DAPK1: variants seen among roughly 807,000 people sequenced by gnomAD.
DAPK1 encodes death associated protein kinase 1.
In DAPK1, 56 loss-of-function variants were observed where a neutral mutation model predicts 144.9. That is an observed-to-expected ratio of 0.39 (90% CI 0.31 to 0.48). DAPK1 has a LOEUF of 0.48. Among genes scored for constraint, DAPK1 ranks in the 20% least tolerant of loss-of-function variants. The pLI is 0.95. For missense variants in DAPK1, 1,454 were observed against 1,875.4 expected (o/e 0.78, Z 4.15); for synonymous variants, 690 against 749.0 (o/e 0.92, Z 1.29).
intron 3 of DAPK1, among the ~76,000 whole-genome samples, chr9:87,633,877 G>A (rs1416063335): frequency 1.3e-5 from 2 of 152,220 alleles, no homozygotes; most frequent in Admixed American, 6.5e-5. Flanking sequence ...ATGGAGAAGA[G>A]TGTGCATGGT....
chr9:87,605,063 C>T lies in DAPK1; in HGVS notation c.172C>T (p.Arg58Cys), dbSNP rs753510016. Reference protein sequence around the residue: ...RTKSSRRGVSREDIEREVSIL... With the variant: ...RTKSSRRGVSCEDIEREVSIL... ...TAAGTCCAGCCGGCGGGGTGTGAGCCGCGAGGACATCGAGCGGGAGGTCAG... is the reference window on the plus strand; with the variant it reads ...TAAGTCCAGCCGGCGGGGTGTGAGCTGCGAGGACATCGAGCGGGAGGTCAG... The change falls in exon 3 of 26, where the codon CGC (arginine) becomes TGC (cysteine). Residue 58 changes from arginine (R) to cysteine (C), a missense_variant. Coordinates refer to ENST00000408954, the MANE Select transcript of DAPK1 (RefSeq NM_004938.4). The T allele has an allele frequency of 1.2e-5, 19 of 1,614,076 alleles. No homozygotes were observed. The highest frequency in any genetic ancestry group is 6.6e-5 in the South Asian group (6 of 91,086).
At chr9:87,653,242 ATTCTGTGTCCATCCCCCCAATCCTG>A (rs1830519186) in intron 17 of DAPK1, among the ~76,000 whole-genome samples, 3 of 151,590 alleles carry the variant, frequency 2.0e-5, no homozygotes, top group Admixed American at 2.0e-4. Flanking sequence ...CCGGGTCCTG[ATTCTGTGTCCATCCCCCCAATCCTG>A]GGTCCTGATT....
At chr9:87,556,413 C>T (rs1243469021) in intron 2 of DAPK1, among the ~76,000 whole-genome samples, 1 of 152,220 alleles carries the variant, frequency 6.6e-6, no homozygotes, top group Admixed American at 6.5e-5. Flanking sequence ...GTGCATGCTG[C>T]CCGTCACGGG....
rs115234323 is a variant in DAPK1, at chr9:87,600,935, C to T, written c.63-4019C>T. On this transcript the variant is annotated intron_variant, in intron 2 of 25. Coordinates refer to ENST00000408954, the MANE Select transcript of DAPK1 (RefSeq NM_004938.4). ...TTGCTCCCTGGTCTGTCTGAGCTCGCCCTTGAAGCTGGATCATGGTATTCC... is the reference window on the plus strand; with the variant it reads ...TTGCTCCCTGGTCTGTCTGAGCTCGTCCTTGAAGCTGGATCATGGTATTCC... 4.6e-3 allele frequency among the ~76,000 whole-genome samples: 703 copies of T among 152,280 alleles called. 7 individuals carry two copies. The highest frequency in any genetic ancestry group is 0.015 in the African/African-American group (638 of 41,554).
chr9:87,534,969 T>G (rs1444388768), intron 2 of DAPK1, among the ~76,000 whole-genome samples: 2 of 152,154 alleles, frequency 1.3e-5, no homozygotes, highest in African/African-American at 2.4e-5. Flanking sequence ...TGTAATTGAT[T>G]TGATGTGTGC....
intron 10 of DAPK1, 33 bp downstream of exon 10, chr9:87,642,091 TTC>T: frequency 6.3e-7 from 1 of 1,579,326 alleles, no homozygotes; most frequent in Non-Finnish European, 8.7e-7. Flanking sequence ...GATTAACAAA[TTC>T]TGTTTCCTGT....
intron 17 of DAPK1, among the ~76,000 whole-genome samples, chr9:87,656,397 ACT>A (rs1202520938): frequency 3.3e-5 from 5 of 151,738 alleles, no homozygotes; most frequent in Middle Eastern, 3.2e-3. Context: ...TCTTCATCAC[ACT>A]CTCTTCCTCA....
At chr9:87,528,954 TC>T (rs1242282468) in intron 2 of DAPK1, among the ~76,000 whole-genome samples, 1 of 151,604 alleles carries the variant, frequency 6.6e-6, no homozygotes, top group Admixed American at 6.6e-5. Context: ...TATATGACCT[TC>T]CAGGGACATT....
intron 2 of DAPK1, among the ~76,000 whole-genome samples, chr9:87,546,158 A>T (rs1826243192): frequency 6.6e-6 from 1 of 152,148 alleles, no homozygotes; most frequent in South Asian, 2.1e-4. Flanking sequence ...TGTAGGTTTT[A>T]TTCAGATATG....
At position 87,551,511 on chromosome 9, in the gene DAPK1, G is replaced by A. The variant is rs141774859; in HGVS notation, c.62+52372G>A. The stretch of plus-strand genomic sequence containing the variant: ...GAGGTTGGTGATGAAGTCCTTAAAG[G>A]CTGAGATCCGGTCACCTGGACCAGT... On this transcript the variant is annotated intron_variant, in intron 2 of 25. Coordinates refer to ENST00000408954, the MANE Select transcript of DAPK1 (RefSeq NM_004938.4). Among the ~76,000 whole-genome samples, 539 of 152,294 alleles carry A rather than the reference G, an allele frequency of 3.5e-3. 7 individuals are homozygous for A. Among genetic ancestry groups the A allele is most frequent in the African/African-American group, 0.012 (507 of 41,562 alleles).
intron 18 of DAPK1, among the ~76,000 whole-genome samples, chr9:87,666,014 C>T (rs2119259906): frequency 6.6e-6 from 1 of 152,262 alleles, no homozygotes; most frequent in African/African-American, 2.4e-5. Flanking sequence ...TTTGCAGCCT[C>T]CGTCGGGGTG....
intron 2 of DAPK1, among the ~76,000 whole-genome samples, chr9:87,551,254 T>C (rs908487232): frequency 6.6e-6 from 1 of 152,102 alleles, no homozygotes; most frequent in Non-Finnish European, 1.5e-5. Context: ...TTCAAGTGAT[T>C]CTCCTGCCTC....
At chr9:87,660,548 G>C (rs1016479307) in intron 18 of DAPK1, among the ~76,000 whole-genome samples, 1 of 151,934 alleles carries the variant, frequency 6.6e-6, no homozygotes, top group African/African-American at 2.4e-5. Context: ...ATTACACTGG[G>C]GTGAAGTCAG....
At chr9:87,539,063 CAAAG>C (rs974311595) in intron 2 of DAPK1, among the ~76,000 whole-genome samples, 1 of 150,520 alleles carries the variant, frequency 6.6e-6, no homozygotes, top group Non-Finnish European at 1.5e-5. Flanking sequence ...TGCTAACATA[CAAAG>C]AGTTTTCATA....
chr9:87,683,398 T>C (rs565858778), intron 20 of DAPK1, among the ~76,000 whole-genome samples: 2 of 152,166 alleles, frequency 1.3e-5, no homozygotes, highest in Non-Finnish European at 2.9e-5. Flanking sequence ...TGATTTCTGC[T>C]CTAGTTGAGG....
intron 11 of DAPK1, among the ~76,000 whole-genome samples, chr9:87,644,258 G>C (rs1023204668): frequency 6.6e-6 from 1 of 152,098 alleles, no homozygotes; most frequent in African/African-American, 2.4e-5. Flanking sequence ...AAGCTCTTCA[G>C]ATACGAGTGG....
At chr9:87,655,990 T>A (rs1830615555) in intron 17 of DAPK1, among the ~76,000 whole-genome samples, 1 of 152,256 alleles carries the variant, frequency 6.6e-6, no homozygotes, top group Non-Finnish European at 1.5e-5. Flanking sequence ...AGGCTACTTT[T>A]AGACACACTC....
chr9:87,569,863 A>G (rs1827268491), intron 2 of DAPK1, among the ~76,000 whole-genome samples: 1 of 152,222 alleles, frequency 6.6e-6, no homozygotes, highest in Non-Finnish European at 1.5e-5. Context: ...ACTTCAGAAA[A>G]CAACTTTCAC....
chr9:87,657,493 G>A (rs943106293), intron 17 of DAPK1: 2 of 162,414 alleles, frequency 1.2e-5, no homozygotes, highest in Non-Finnish European at 2.7e-5. Context: ...CTCTTCAAGC[G>A]AGTAGTTCAC....
Sources: allele counts gnomAD v4.1 joint callset (sites outside exome capture counted in the v4.1 genomes callset), GRCh38; gene constraint gnomAD v4.1.1; transcripts MANE v1.5; gene names NCBI Gene and HGNC (gene_info 2026-07-23, HGNC 2026-07-21).